The following CDH11 variants were observed in gnomAD, a reference collection of about 807,000 sequenced individuals.
CDH11 encodes cadherin 11.
A neutral mutation model predicts 67.8 loss-of-function variants in CDH11; 11 were observed. The observed-to-expected ratio is 0.16, with a 90% CI of 0.10 to 0.27. CDH11 has a LOEUF of 0.27. Among genes scored for constraint, CDH11 ranks in the 10% least tolerant of loss-of-function variants. CDH11 has a pLI of 1.00. For synonymous variants in CDH11, 419 were observed against 400.0 expected (o/e 1.05, Z -0.57); for missense variants, 847 against 1,031.2 (o/e 0.82, Z 2.45).
chr16:65,007,329 G>A (rs1321932730), intron 2 of CDH11, among the ~76,000 whole-genome samples: 1 of 152,158 alleles, frequency 6.6e-6, no homozygotes, highest in Admixed American at 6.5e-5. Context: ...TCAAGGAATA[G>A]GGGACTTGAA....
In CDH11 at chr16:65,094,219, C is replaced by T. The variant is rs372963507; in HGVS notation, c.-298+27661G>A. Among the ~76,000 whole-genome samples the T allele has an allele frequency of 3.3e-5, 5 of 152,234 alleles. No individual in the cohort carries two copies. In the East Asian group the frequency reaches 9.7e-4, roughly 29 times the overall value. On this transcript the variant is annotated intron_variant, in intron 1 of 12. Coordinates refer to ENST00000268603, the MANE Select transcript of CDH11 (RefSeq NM_001797.4). ...CAAAGTACTTCATTCTAAAGCACAC[C>T]ATAATTTATGACACATAGTGTTCTT...
intron 4 of CDH11, 47 bp from the exon 5 acceptor site, chr16:64,993,081 A>G (rs1201069400): frequency 6.6e-7 from 1 of 1,507,310 alleles, no homozygotes; most frequent in Middle Eastern, 1.7e-4. Context: ...CAGATTTTCA[A>G]ATTATGTTCT....
upstream of CDH11, among the ~76,000 whole-genome samples, chr16:65,122,948 G>A (rs980396509): frequency 2.6e-5 from 4 of 152,218 alleles, no homozygotes; most frequent in Non-Finnish European, 5.9e-5. Context: ...GGGCCCGGTG[G>A]AGTGTGCGTT....
At chr16:65,058,957 T>C (rs1424076427) in intron 1 of CDH11, among the ~76,000 whole-genome samples, 2 of 152,234 alleles carry the variant, frequency 1.3e-5, no homozygotes, top group Non-Finnish European at 2.9e-5. Flanking sequence ...TTAAACATTT[T>C]ACCTTTTATT....
chr16:64,989,271 G>T (rs2072569608), intron 6 of CDH11, among the ~76,000 whole-genome samples: 1 of 151,898 alleles, frequency 6.6e-6, no homozygotes, highest in African/African-American at 2.4e-5. Flanking sequence ...GATTGTGTGG[G>T]CATGAATCTG....
chr16:65,072,738 T>G (rs562073637), intron 1 of CDH11, among the ~76,000 whole-genome samples: 1 of 152,298 alleles, frequency 6.6e-6, no homozygotes, highest in East Asian at 1.9e-4. Flanking sequence ...TATTTTACAC[T>G]ATTGTATTGT....
At chr16:64,999,366 T>G (rs1255314759) in intron 3 of CDH11, among the ~76,000 whole-genome samples, 1 of 152,322 alleles carries the variant, frequency 6.6e-6, no homozygotes, top group East Asian at 1.9e-4. Flanking sequence ...CAGATACATA[T>G]GTACCCTAGT....
chr16:65,023,884 C>T lies in CDH11; in HGVS notation c.-172-18843G>A, dbSNP rs554825928. 4.6e-5 allele frequency among the ~76,000 whole-genome samples: 7 copies of T among 152,302 alleles called. No homozygotes were observed. The South Asian group carries it at 1.0e-3, about 23-fold the overall frequency. On this transcript the variant is annotated intron_variant, in intron 2 of 12. Coordinates refer to ENST00000268603, the MANE Select transcript of CDH11 (RefSeq NM_001797.4). The stretch of plus-strand genomic sequence containing the variant: ...TCTTTATTCCATATCCCTTCATCAG[C>T]AGGGTCTTTGTGAACTGTATCTTGT...
intron 2 of CDH11, among the ~76,000 whole-genome samples, chr16:65,053,002 A>T (rs980654117): frequency 1.3e-5 from 2 of 152,180 alleles, no homozygotes; most frequent in Non-Finnish European, 2.9e-5. Context: ...GGGACCCAGG[A>T]AAAACCTGGA....
At chr16:65,059,691 C>G (rs1479033586) in intron 1 of CDH11, 1 of 152,164 alleles carries the variant, frequency 6.6e-6, no homozygotes, top group Non-Finnish European at 1.5e-5. Flanking sequence ...CTGGGTTCCC[C>G]GGGCACTTGA....
chr16:64,947,528 A>T lies in CDH11; in HGVS notation c.*75T>A. The T allele has an allele frequency of 6.6e-7, 1 of 1,520,178 alleles. No homozygotes were observed. The highest frequency in any genetic ancestry group is 8.8e-7 in the Non-Finnish European group (1 of 1,137,340). The allele number at this position is 1,520,178 out of a possible 1,614,324, so 94.2% of individuals were successfully genotyped here. A position where few individuals can be genotyped will look rare whatever the true frequency, so the allele number is the denominator to read the frequency against. On this transcript the variant is annotated 3_prime_UTR_variant, in exon 13 of 13. Transcript: ENST00000268603. ...ATGAGCCTTTCCTTGATTTAAAAAA[A>T]TACCTGTTTACACATCTTCTAGATT...
intron 1 of CDH11, among the ~76,000 whole-genome samples, chr16:65,102,122 C>T (rs538394242): frequency 6.6e-6 from 1 of 152,266 alleles, no homozygotes; most frequent in Non-Finnish European, 1.5e-5. Context: ...AAGTTCACAC[C>T]TCCAAAAAAT....
intron 11 of CDH11, among the ~76,000 whole-genome samples, chr16:64,962,909 G>A (rs2071711528): frequency 1.3e-5 from 2 of 152,130 alleles, no homozygotes; most frequent in Admixed American, 1.3e-4. Context: ...CAGTTCAGAG[G>A]CACAAGCTTA....
chr16:64,955,580 A>G (rs1331420205), intron 11 of CDH11, among the ~76,000 whole-genome samples: 4 of 152,208 alleles, frequency 2.6e-5, no homozygotes, highest in East Asian at 3.9e-4. Flanking sequence ...CTCTAAAAAA[A>G]TAAAAAGTTA....
chr16:65,036,394 C>A (rs915431101), intron 2 of CDH11, among the ~76,000 whole-genome samples: 9 of 152,034 alleles, frequency 5.9e-5, no homozygotes, highest in African/African-American at 1.9e-4. Flanking sequence ...TGGTACTCTA[C>A]CTGCTTATAT....
At chr16:64,950,728 GC>G in intron 12 of CDH11, 38 bp downstream of exon 12, 2 of 1,600,240 alleles carry the variant, frequency 1.2e-6, no homozygotes, top group Non-Finnish European at 1.7e-6. Context: ...GCATCCGGTT[GC>G]CTGGCCCTTC....
At chr16:65,056,704 A>C (rs964444391) in intron 1 of CDH11, among the ~76,000 whole-genome samples, 1 of 152,202 alleles carries the variant, frequency 6.6e-6, no homozygotes, top group Non-Finnish European at 1.5e-5. Context: ...GGAATCCAGC[A>C]GTGCTGACCT....
chr16:65,008,170 G>T (rs2073101037), intron 2 of CDH11, among the ~76,000 whole-genome samples: 1 of 152,226 alleles, frequency 6.6e-6, no homozygotes. Flanking sequence ...CACTAGAAGT[G>T]TTGAAACAAG....
chr16:65,054,976 T>C (rs2142722984), intron 1 of CDH11, among the ~76,000 whole-genome samples: 1 of 152,324 alleles, frequency 6.6e-6, no homozygotes, highest in South Asian at 2.1e-4. Context: ...GGACCTTAGA[T>C]CTACTAAAAT....
Sources: gnomAD v4.1 joint callset for allele counts (sites outside exome capture counted in the v4.1 genomes callset) on GRCh38, gnomAD v4.1.1 for gene constraint, MANE v1.5 for transcripts, NCBI Gene and HGNC (gene_info 2026-07-23, HGNC 2026-07-21) for gene names.